Variants in MYZAP observed in about 807,000 individuals in gnomAD.
MYZAP encodes the protein GRINL1A complex locus upstream.
In MYZAP, 66 loss-of-function variants were observed where a neutral mutation model predicts 69.4. The ratio of observed to expected loss-of-function variants is 0.95; its 90% confidence interval spans 0.78 to 1.17. The LOEUF is 1.17. Among genes scored for constraint, MYZAP ranks in the 50% most tolerant of loss-of-function variants. MYZAP has a pLI of 0.00. For missense variants in MYZAP, 611 were observed against 556.2 expected, an observed-to-expected ratio of 1.10 and a Z score of -0.99; for synonymous variants, 256 against 205.9, an observed-to-expected ratio of 1.24 and a Z score of -2.09.
At chr15:57,612,819 G>A (rs1436337680) in intron 2 of MYZAP, among the ~76,000 whole-genome samples, 1 of 152,228 alleles carries the variant, frequency 6.6e-6, no homozygotes, top group Non-Finnish European at 1.5e-5. Flanking sequence ...AGTACTCACA[G>A]GAAACAGCTT....
At chr15:57,670,366 G>T (rs1185379428) in intron 11 of MYZAP, among the ~76,000 whole-genome samples, 1 of 151,854 alleles carries the variant, frequency 6.6e-6, no homozygotes, top group East Asian at 1.9e-4. Context: ...AATACTCTTT[G>T]TCTTGATATC....
intron 12 of MYZAP, among the ~76,000 whole-genome samples, chr15:57,677,678 C>T (rs1335299112): frequency 5.9e-5 from 9 of 152,090 alleles, no homozygotes; most frequent in African/African-American, 2.2e-4. Context: ...TATGCAGAAG[C>T]GTTTTGTTCT....
intron 10 of MYZAP, among the ~76,000 whole-genome samples, chr15:57,648,713 T>C (rs2037574546): frequency 6.6e-6 from 1 of 151,752 alleles, no homozygotes; most frequent in Admixed American, 6.6e-5. Flanking sequence ...AGTTGTAGAG[T>C]GATAAAAACA....
At chr15:57,608,021 T>G (rs1157902439) in intron 2 of MYZAP, among the ~76,000 whole-genome samples, 1 of 152,210 alleles carries the variant, frequency 6.6e-6, no homozygotes, top group Non-Finnish European at 1.5e-5. Flanking sequence ...TCACGTAACT[T>G]TGGTTCCTTT....
intron 2 of MYZAP, 35 bp downstream of exon 2, chr15:57,604,390 C>A: frequency 6.2e-7 from 1 of 1,612,114 alleles, no homozygotes; most frequent in Non-Finnish European, 8.5e-7. Flanking sequence ...CCAACAAGTT[C>A]CAGCCTCTAT....
At chr15:57,665,703 A>G (rs2038535142) in intron 11 of MYZAP, among the ~76,000 whole-genome samples, 1 of 152,202 alleles carries the variant, frequency 6.6e-6, no homozygotes, top group South Asian at 2.1e-4. Context: ...GAAGACATGC[A>G]TCACTTCTCA....
chr15:57,670,373 T>C (rs2038810186), intron 11 of MYZAP, among the ~76,000 whole-genome samples: 1 of 152,094 alleles, frequency 6.6e-6, no homozygotes, highest in South Asian at 2.1e-4. Flanking sequence ...TTTGTCTTGA[T>C]ATCTATTTTA....
At chr15:57,631,277 C>T (rs1391155564) in intron 6 of MYZAP, among the ~76,000 whole-genome samples, 6 of 152,022 alleles carry the variant, frequency 3.9e-5, no homozygotes, top group African/African-American at 1.5e-4. Context: ...CTGTTGGTTC[C>T]AGAGGTGGCC....
chr15:57,628,594 A>G (rs894222669), intron 5 of MYZAP, among the ~76,000 whole-genome samples: 17 of 152,110 alleles, frequency 1.1e-4, no homozygotes, highest in Non-Finnish European at 1.2e-4. Context: ...TGCGGCCTGG[A>G]GCAAAAATTA....
At chr15:57,632,374 A>C (rs2036556144) in intron 6 of MYZAP, 60 bp from the exon 7 acceptor site, 1 of 1,608,406 alleles carries the variant, frequency 6.2e-7, no homozygotes, top group African/African-American at 1.3e-5. Flanking sequence ...TGTGCAGTGG[A>C]AGCTGCCAAT....
At chr15:57,647,036 G>A in intron 10 of MYZAP, 1 of 985,440 alleles carries the variant, frequency 1.0e-6, no homozygotes, top group Non-Finnish European at 1.2e-6. Flanking sequence ...TAAGCTGGGA[G>A]ATGGGGCTCG....
intron 10 of MYZAP, among the ~76,000 whole-genome samples, chr15:57,643,849 C>G (rs1301580033): frequency 1.3e-5 from 2 of 150,272 alleles, no homozygotes; most frequent in African/African-American, 2.5e-5. Context: ...GGAAATGTTT[C>G]TTCCAACAGG....
intron 1 of MYZAP, 115 bp from the exon 2 acceptor site, chr15:57,604,154 G>T: frequency 9.0e-7 from 1 of 1,116,094 alleles, no homozygotes; most frequent in Non-Finnish European, 1.3e-6. Context: ...GTATGATCAG[G>T]ACAGTGTTCC....
chr15:57,683,568 A>G (rs1022875968), intron 12 of MYZAP, among the ~76,000 whole-genome samples: 6 of 152,036 alleles, frequency 3.9e-5, no homozygotes, highest in Non-Finnish European at 7.4e-5. Context: ...TAACTTTTTT[A>G]TTTTTAACCT....
intron 12 of MYZAP, among the ~76,000 whole-genome samples, chr15:57,683,702 G>T (rs139505969): frequency 6.6e-6 from 1 of 152,158 alleles, no homozygotes; most frequent in Non-Finnish European, 1.5e-5. Context: ...AGCAGATCCA[G>T]TGTTTGGCAA....
intron 2 of MYZAP, 85 bp downstream of exon 2, chr15:57,604,440 C>G: frequency 1.4e-6 from 2 of 1,478,664 alleles, no homozygotes; most frequent in Non-Finnish European, 1.9e-6. Context: ...CAGGCCATTC[C>G]CAGAGGCTGG....
intron 8 of MYZAP, among the ~76,000 whole-genome samples, chr15:57,636,608 G>A (rs567705834): frequency 9.9e-5 from 15 of 152,268 alleles, no homozygotes; most frequent in African/African-American, 2.4e-4. Context: ...ATTAGTGAGC[G>A]TTATTTGATA....
rs1274144448 is a variant in MYZAP, at chr15:57,629,088, C to CAAAA, written c.526-598_526-595dup. Among the ~76,000 whole-genome samples the CAAAA allele has an allele frequency of 9.9e-4, 114 of 114,996 alleles. 1 individual carries two copies. Among genetic ancestry groups the CAAAA allele is most frequent in the South Asian group, 1.7e-3 (6 of 3,608 alleles). The allele number at this position is 114,996 out of a possible 152,430, so 75.4% of individuals were successfully genotyped here. On this transcript the variant is annotated intron_variant, in intron 5 of 12. Coordinates refer to ENST00000267853, the MANE Select transcript of MYZAP (RefSeq NM_001018100.5). Reference sequence around the variant, plus strand: ...ACAGAGTAAGGCTCTGTCTCAAAAACAAAAAAAAAAAAAAAAAAAGAAAAA... The same window carrying CAAAA: ...ACAGAGTAAGGCTCTGTCTCAAAAACAAAAAAAAAAAAAAAAAAAAAAAGAAAAA...
At chr15:57,650,523 C>G (rs899608531) in intron 10 of MYZAP, among the ~76,000 whole-genome samples, 3 of 152,200 alleles carry the variant, frequency 2.0e-5, no homozygotes, top group Non-Finnish European at 2.9e-5. Context: ...TAAATTCAGT[C>G]TGCTTTTGCA....
Sources: gnomAD v4.1 joint callset for allele counts (sites outside exome capture counted in the v4.1 genomes callset) on GRCh38, gnomAD v4.1.1 for gene constraint, MANE v1.5 for transcripts, NCBI Gene and HGNC (gene_info 2026-07-23, HGNC 2026-07-21) for gene names.